Variants in CLTA observed in about 807,000 individuals in gnomAD.
The protein encoded by CLTA is clathrin, light polypeptide (Lca).
CLTA carries 9 observed loss-of-function variants against 26.9 expected under a neutral mutation model. The observed-to-expected ratio is 0.33, with a 90% CI of 0.20 to 0.58. The LOEUF is 0.58. CLTA is among the 20% of genes least tolerant of loss of function. The pLI, the probability that CLTA is intolerant of heterozygous loss-of-function variation, is 0.85. For missense variants in CLTA, 278 were observed against 294.2 expected, an observed-to-expected ratio of 0.94 and a Z score of 0.40; for synonymous variants, 120 against 115.5, an observed-to-expected ratio of 1.04 and a Z score of -0.25.
chr9:36,210,795 C>A, intron 4 of CLTA: 1 of 968,744 alleles, frequency 1.0e-6, no homozygotes. Flanking sequence ...ACAGACCAGT[C>A]ATCTCCATTG....
chr9:36,211,887 T>C lies in CLTA; in HGVS notation c.*113T>C. ...TTCTTTTGGACCAAACCTTTTTGTC[T>C]TTAGAGTTGTTCATTGTTTGTGATT... On this transcript the variant is annotated 3_prime_UTR_variant, in exon 5 of 5. Transcript: ENST00000345519. 1 of 884,614 alleles carries C rather than the reference T, an allele frequency of 1.1e-6. No individual in the cohort carries two copies. Among genetic ancestry groups the C allele is most frequent in the Non-Finnish European group, 1.8e-6 (1 of 570,354 alleles). The allele number at this position is 884,614 out of a possible 1,614,324, so 54.8% of individuals were successfully genotyped here. A position where few individuals can be genotyped will look rare whatever the true frequency, so the allele number is the denominator to read the frequency against.
intron 1 of CLTA, among the ~76,000 whole-genome samples, chr9:36,191,635 A>T (rs903265557): frequency 2.6e-5 from 4 of 152,230 alleles, no homozygotes; most frequent in Non-Finnish European, 5.9e-5. Flanking sequence ...TTATAAGCTT[A>T]TAAGTCTGAG....
intron 1 of CLTA, among the ~76,000 whole-genome samples, chr9:36,192,649 A>G (rs570855817): frequency 6.8e-6 from 1 of 146,664 alleles, no homozygotes; most frequent in African/African-American, 2.6e-5. Context: ...GAATTTTAAA[A>G]TTGACTTCTT....
chr9:36,204,064 A>T lies in CLTA; in HGVS notation c.374-4A>T. The T allele has an allele frequency of 6.2e-7, 1 of 1,614,072 alleles. No homozygotes were observed. Among genetic ancestry groups the T allele is most frequent in the Non-Finnish European group, 8.5e-7 (1 of 1,179,952 alleles). ...TATTGTCTTTCTCTTCTCTCCCTTC[A>T]AAGATGCCAATTCTCGGAAGCAAGA... On this transcript the variant is annotated splice_region_variant and splice_polypyrimidine_tract_variant and intron_variant, in intron 3 of 4. Coordinates refer to ENST00000345519, the MANE Select transcript of CLTA (RefSeq NM_001833.4).
At chr9:36,209,684 G>A (rs1456593017) in intron 4 of CLTA, among the ~76,000 whole-genome samples, 2 of 152,192 alleles carry the variant, frequency 1.3e-5, no homozygotes, top group Non-Finnish European at 1.5e-5. Flanking sequence ...CCTGCCTCAG[G>A]TGGGAAGGAG....
chr9:36,195,770 C>T (rs1826986882), intron 1 of CLTA, among the ~76,000 whole-genome samples: 1 of 152,032 alleles, frequency 6.6e-6, no homozygotes, highest in Admixed American at 6.6e-5. Context: ...AGTTTGAGAC[C>T]AGCCTGACCA....
intron 4 of CLTA, among the ~76,000 whole-genome samples, chr9:36,206,040 G>A (rs376482911): frequency 6.6e-6 from 1 of 152,186 alleles, no homozygotes; most frequent in East Asian, 1.9e-4. Flanking sequence ...GATTACAGGC[G>A]TGAGCCACCG....
chr9:36,211,425 C>T (rs1385656149), intron 4 of CLTA, 178 bp from the exon 5 acceptor site: 2 of 264,160 alleles, frequency 7.6e-6, no homozygotes, highest in African/African-American at 2.3e-5. Context: ...CACCCTGTGC[C>T]TAGGAGAGCC....
chr9:36,209,258 G>C (rs1248588521), intron 4 of CLTA: 1 of 1,614,012 alleles, frequency 6.2e-7, no homozygotes. Flanking sequence ...TGGACCTCTT[G>C]CTGTCTAGGG....
At chr9:36,209,113 C>G in intron 4 of CLTA, 1 of 350,706 alleles carries the variant, frequency 2.9e-6, no homozygotes, top group Non-Finnish European at 4.0e-6. Flanking sequence ...AAGTCTCCAG[C>G]GCTGGAAGCC....
At chr9:36,206,060 A>T (rs910177819) in intron 4 of CLTA, among the ~76,000 whole-genome samples, 1 of 152,020 alleles carries the variant, frequency 6.6e-6, no homozygotes, top group Admixed American at 6.6e-5. Flanking sequence ...GCGCCTGGCC[A>T]TGACACCTGT....
chr9:36,191,387 C>A (rs1181589912), intron 1 of CLTA, 114 bp downstream of exon 1: 6 of 1,223,442 alleles, frequency 4.9e-6, no homozygotes, highest in Non-Finnish European at 6.5e-6. Flanking sequence ...GGTTAGGGAG[C>A]AGTGCAAACA....
intron 4 of CLTA, chr9:36,210,691 T>A (rs756686181): frequency 1.2e-6 from 2 of 1,611,290 alleles, no homozygotes; most frequent in Non-Finnish European, 1.7e-6. Context: ...TGCCCCTAAC[T>A]GTGTGTGCCA....
intron 3 of CLTA, 45 bp downstream of exon 3, chr9:36,199,141 A>T (rs2132886504): frequency 8.3e-7 from 1 of 1,211,934 alleles, no homozygotes; most frequent in East Asian, 2.3e-5. Flanking sequence ...TCAGTGGAGT[A>T]GTTGAGCTGG....
In CLTA at chr9:36,190,978, G is replaced by A; in HGVS notation, c.-79G>A. On this transcript the variant is annotated 5_prime_UTR_variant, in exon 1 of 5. Coordinates refer to ENST00000345519, the MANE Select transcript of CLTA (RefSeq NM_001833.4). ...CTCCTCTCCCAGTCGGCACCACAGCGGTGGCTGCCGGGCGTGGTGTCGGTG... is the reference window on the plus strand; with the variant it reads ...CTCCTCTCCCAGTCGGCACCACAGCAGTGGCTGCCGGGCGTGGTGTCGGTG... The A allele has an allele frequency of 6.9e-7, 1 of 1,458,348 alleles. No individual in the cohort carries two copies. Among genetic ancestry groups the A allele is most frequent in the Non-Finnish European group, 9.0e-7 (1 of 1,115,284 alleles). The allele number at this position is 1,458,348 out of a possible 1,614,324, so 90.3% of individuals were successfully genotyped here. A position where few individuals can be genotyped will look rare whatever the true frequency, so the allele number is the denominator to read the frequency against.
chr9:36,204,472 A>G (rs1024683964), intron 4 of CLTA, among the ~76,000 whole-genome samples: 1 of 152,188 alleles, frequency 6.6e-6, no homozygotes, highest in Non-Finnish European at 1.5e-5. Flanking sequence ...GGAACCCTGA[A>G]ACGAAAGCTG....
intron 4 of CLTA, among the ~76,000 whole-genome samples, chr9:36,207,593 G>A (rs975422714): frequency 1.2e-4 from 18 of 152,198 alleles, no homozygotes; most frequent in Non-Finnish European, 1.9e-4. Flanking sequence ...CTTGGCTGAG[G>A]ATTGCTACTT....
At chr9:36,197,825 TCAC>T (rs1266758974) in intron 2 of CLTA, among the ~76,000 whole-genome samples, 2 of 152,182 alleles carry the variant, frequency 1.3e-5, no homozygotes, top group African/African-American at 4.8e-5. Flanking sequence ...TCTAAAGAAA[TCAC>T]CATTCAAATG....
Position 36,191,249 on chromosome 9 carries a change from C to T in CLTA, c.193C>T (p.His65Tyr). ...LDGGAPGPQPHGEPPGGPDAV... is the reference protein window; with the variant it reads ...LDGGAPGPQPYGEPPGGPDAV... ...CGGCGGCGCCCCCGGGCCCCAGCCGCACGGCGAGCCGCCGGGGGGTCCGGG... is the reference window on the plus strand; with the variant it reads ...CGGCGGCGCCCCCGGGCCCCAGCCGTACGGCGAGCCGCCGGGGGGTCCGGG... Residue 65 changes from histidine to tyrosine, a missense_variant, in exon 1 of 5, where the codon CAC becomes TAC. Physicochemically the swap from His to Tyr is moderately conservative, Grantham distance 83. Coordinates refer to ENST00000345519, the MANE Select transcript of CLTA (RefSeq NM_001833.4). The T allele has an allele frequency of 1.3e-6, 2 of 1,531,048 alleles. No individual in the cohort carries two copies. Among genetic ancestry groups the T allele is most frequent in the Admixed American group, 2.1e-5 (1 of 48,102 alleles). The allele number at this position is 1,531,048 out of a possible 1,614,324, so 94.8% of individuals were successfully genotyped here. A position where few individuals can be genotyped will look rare whatever the true frequency, so the allele number is the denominator to read the frequency against.
Sources: allele counts gnomAD v4.1 joint callset (sites outside exome capture counted in the v4.1 genomes callset), GRCh38; gene constraint gnomAD v4.1.1; transcripts MANE v1.5; gene names NCBI Gene and HGNC (gene_info 2026-07-23, HGNC 2026-07-21).